The following KIF27 variants were observed in gnomAD, a reference collection of about 807,000 sequenced individuals.
KIF27 encodes the protein kinesin family member 27.
In KIF27, 84 loss-of-function variants were observed where a neutral mutation model predicts 141.8. The ratio of observed to expected loss-of-function variants is 0.59; its 90% CI spans 0.50 to 0.71. The LOEUF is 0.71. Among genes scored for constraint, KIF27 ranks in the 30% least tolerant of loss-of-function variants. The pLI is 0.00. For synonymous variants in KIF27, 471 were observed against 569.5 expected (o/e 0.83, Z 2.46); for missense variants, 1,306 against 1,628.4 (o/e 0.80, Z 3.41).
At position 83,884,034 on chromosome 9, in the gene KIF27, AATT is replaced by A. The variant is rs530917604; in HGVS notation, c.2240-19_2240-17del. On this transcript the variant is annotated splice_polypyrimidine_tract_variant and intron_variant, in intron 9 of 17. Coordinates refer to ENST00000297814, the MANE Select transcript of KIF27 (RefSeq NM_017576.4). ...GCATCATTACCTTAACCGTAATAAT[AATT>A]ATTATTAGTATAAATTATGTAAAAA... The A allele has an allele frequency of 1.2e-4, 185 of 1,483,180 alleles. No individual in the cohort carries two copies. The highest frequency in any genetic ancestry group is 1.6e-4 in the Non-Finnish European group (179 of 1,087,520). 91.9% of individuals were successfully genotyped at this position (1,483,180 alleles called of 1,614,324 possible).
At chr9:83,874,457 G>A (rs1951050174) in intron 11 of KIF27, among the ~76,000 whole-genome samples, 2 of 152,210 alleles carry the variant, frequency 1.3e-5, no homozygotes, top group African/African-American at 2.4e-5. Context: ...GTCTCAGAGA[G>A]TTAGCTCCAA....
rs115822504 is a variant in KIF27 at position 83,896,769 on chromosome 9, C to T, written c.1602+2892G>A. ...AGAAACATACAAAATTATTTGATCACGAAAAATAAATAAATGAAAATAGCA... is the reference window on the plus strand; with the variant it reads ...AGAAACATACAAAATTATTTGATCATGAAAAATAAATAAATGAAAATAGCA... On this transcript the variant is annotated intron_variant, in intron 5 of 17. Coordinates refer to ENST00000297814, the MANE Select transcript of KIF27 (RefSeq NM_017576.4). Among the ~76,000 whole-genome samples, 1,310 of 152,030 alleles carry T rather than the reference C, an allele frequency of 8.6e-3. 8 individuals are homozygous for T. The highest frequency in any genetic ancestry group is 0.031 in the African/African-American group (1,268 of 41,460).
At chr9:83,848,485 GATATGT>G (rs1375587892) in intron 16 of KIF27, among the ~76,000 whole-genome samples, 3 of 138,358 alleles carry the variant, frequency 2.2e-5, no homozygotes. Flanking sequence ...TATACATATA[GATATGT>G]ATATATCTAT....
intron 13 of KIF27, among the ~76,000 whole-genome samples, chr9:83,862,169 C>G (rs1304563296): frequency 1.3e-5 from 2 of 152,010 alleles, no homozygotes; most frequent in Non-Finnish European, 2.9e-5. Flanking sequence ...TGCAGAAGCT[C>G]TTTAGTTTAA....
intron 1 of KIF27, among the ~76,000 whole-genome samples, chr9:83,916,662 C>CTTT (rs34391682): frequency 8.1e-6 from 1 of 123,036 alleles, no homozygotes; most frequent in Non-Finnish European, 1.7e-5. Context: ...ACAATGAACA[C>CTTT]TTTTTTTTTT....
At chr9:83,850,457 C>T (rs1948416661) in intron 15 of KIF27, among the ~76,000 whole-genome samples, 160 bp from the exon 16 acceptor site, 1 of 152,062 alleles carries the variant, frequency 6.6e-6, no homozygotes, top group African/African-American at 2.4e-5. Context: ...GTAACATATT[C>T]ACAAAACAAC....
At chr9:83,904,385 T>TC (rs1351762713) in intron 3 of KIF27, among the ~76,000 whole-genome samples, 1 of 152,154 alleles carries the variant, frequency 6.6e-6, no homozygotes, top group African/African-American at 2.4e-5. Context: ...CTTTTTTTTT[T>TC]CTTGAGACGG....
rs1012073089 is a variant in KIF27, at chr9:83,835,506, T to C, written c.*1495A>G. 3.9e-5 allele frequency: 6 copies of C among 152,126 alleles called. No individual in the cohort carries two copies. Among genetic ancestry groups the C allele is most frequent in the Admixed American group, 1.3e-4 (2 of 15,264 alleles). 9.4% of individuals were successfully genotyped at this position (152,126 alleles called of 1,614,324 possible). ...ATTTTAGTACCATGCTTAAGAGATA[T>C]TTTCCTTTTTATAAGTTTGTTTTGT... On this transcript the variant is annotated 3_prime_UTR_variant, in exon 18 of 18. Coordinates refer to ENST00000297814, the MANE Select transcript of KIF27 (RefSeq NM_017576.4).
chr9:83,851,672 C>T (rs1450660633), intron 15 of KIF27, among the ~76,000 whole-genome samples: 1 of 152,140 alleles, frequency 6.6e-6, no homozygotes, highest in African/African-American at 2.4e-5. Flanking sequence ...TGCATTTTGT[C>T]TACTGGATTC....
At chr9:83,841,112 C>T (rs2131487564) in intron 17 of KIF27, among the ~76,000 whole-genome samples, 1 of 152,058 alleles carries the variant, frequency 6.6e-6, no homozygotes, top group South Asian at 2.1e-4. Flanking sequence ...CTCTTGTTGC[C>T]CAGGTCGGGG....
chr9:83,892,247 A>C (rs981780376), intron 5 of KIF27, among the ~76,000 whole-genome samples: 2 of 152,228 alleles, frequency 1.3e-5, no homozygotes, highest in Non-Finnish European at 2.9e-5. Flanking sequence ...AGGAAAAAAA[A>C]CCTTACATTT....
At position 83,913,451 on chromosome 9, in the gene KIF27, T is replaced by C. The variant is rs188847688; in HGVS notation, c.298+1843A>G. On this transcript the variant is annotated intron_variant, in intron 2 of 17. Transcript: ENST00000297814. The stretch of plus-strand genomic sequence containing the variant: ...ATCAAAAAATAAATCCAACTTTTTT[T>C]TTTTTGAGACAGAGTTTGGTCTGTT... 7.9e-5 allele frequency among the ~76,000 whole-genome samples: 12 copies of C among 152,318 alleles called. No homozygotes were observed. In the East Asian group the frequency reaches 2.1e-3, roughly 27 times the overall value.
chr9:83,854,930 GAAGA>G (rs1291524678), intron 14 of KIF27: 8 of 152,188 alleles, frequency 5.3e-5, no homozygotes, highest in African/African-American at 1.9e-4. Context: ...TTGACTTAAT[GAAGA>G]AAGAAGAGAA....
chr9:83,900,899 T>TA (rs1180455713), intron 4 of KIF27, among the ~76,000 whole-genome samples: 4 of 150,760 alleles, frequency 2.7e-5, no homozygotes, highest in Non-Finnish European at 4.4e-5. Flanking sequence ...AAAAAAAAAA[T>TA]AAAGAACTAA....
chr9:83,855,049 T>C (rs1184885282), intron 14 of KIF27: 3 of 152,572 alleles, frequency 2.0e-5, no homozygotes, highest in Admixed American at 6.5e-5. Flanking sequence ...CTTTTTTTTT[T>C]TGACAGGGTC....
At chr9:83,900,633 G>T (rs370961404) in intron 4 of KIF27, among the ~76,000 whole-genome samples, 1 of 151,238 alleles carries the variant, frequency 6.6e-6, no homozygotes, top group African/African-American at 2.4e-5. Flanking sequence ...ACTTGCACAC[G>T]CATGTTTACA....
intron 7 of KIF27, among the ~76,000 whole-genome samples, 158 bp downstream of exon 7, chr9:83,888,926 T>C (rs1350262569): frequency 6.6e-6 from 1 of 151,806 alleles, no homozygotes; most frequent in Non-Finnish European, 1.5e-5. Flanking sequence ...GTTCAAATAC[T>C]ATTTTCATAA....
At position 83,866,957 on chromosome 9, in the gene KIF27, C is replaced by A. The variant is rs951606865; in HGVS notation, c.2934+727G>T. Among the ~76,000 whole-genome samples, 9 of 149,198 alleles carry A rather than the reference C, an allele frequency of 6.0e-5. 1 individual carries two copies. In the East Asian group the frequency reaches 7.9e-4, roughly 13 times the overall value. ...ATTTTATATTTTATTCACCCCCCCCCCAAAAAAAGAAACCCCACACCTATT... is the reference window on the plus strand; with the variant it reads ...ATTTTATATTTTATTCACCCCCCCCACAAAAAAAGAAACCCCACACCTATT... On this transcript the variant is annotated intron_variant, in intron 13 of 17. Coordinates refer to ENST00000297814, the MANE Select transcript of KIF27 (RefSeq NM_017576.4).
chr9:83,888,989 TAA>T, intron 7 of KIF27, 93 bp downstream of exon 7: 1 of 1,389,506 alleles, frequency 7.2e-7, no homozygotes, highest in Admixed American at 2.8e-5. Context: ...CTATTAAACA[TAA>T]AAGATATACT....
Sources: allele counts gnomAD v4.1 joint callset (sites outside exome capture counted in the v4.1 genomes callset), GRCh38; gene constraint gnomAD v4.1.1; transcripts MANE v1.5; gene names NCBI Gene and HGNC (gene_info 2026-07-23, HGNC 2026-07-21).